RAB3C: variants seen among roughly 807,000 people sequenced by gnomAD.
RAB3C encodes RAB3C, member RAS oncogene family, also known as ras-related protein Rab-3C.
Under a neutral mutation model 26.4 loss-of-function variants are expected in RAB3C, and 17 were observed. The observed-to-expected ratio is 0.64, with a 90% CI of 0.44 to 0.97. RAB3C has a LOEUF of 0.97. Among genes scored for constraint, RAB3C ranks in the 50% least tolerant of loss-of-function variants. The pLI is 0.00. For synonymous variants in RAB3C, 91 were observed against 95.9 expected (o/e 0.95, Z 0.30); for missense variants, 242 against 281.9 (o/e 0.86, Z 1.01).
intron 1 of RAB3C, among the ~76,000 whole-genome samples, chr5:58,601,261 G>A (rs1217230929): frequency 6.6e-5 from 10 of 152,214 alleles, no homozygotes; most frequent in Non-Finnish European, 8.8e-5. Context: ...TTCTGTTAAG[G>A]ATTTTAGCAT....
chr5:58,622,178 G>A (rs1181238431), intron 2 of RAB3C, among the ~76,000 whole-genome samples: 2 of 152,086 alleles, frequency 1.3e-5, no homozygotes, highest in African/African-American at 4.8e-5. Context: ...CTGGGACACA[G>A]GAACGATCCC....
chr5:58,739,297 G>A (rs1022644811), intron 3 of RAB3C, among the ~76,000 whole-genome samples: 1 of 152,198 alleles, frequency 6.6e-6, no homozygotes, highest in African/African-American at 2.4e-5. Flanking sequence ...TGAATGAGTA[G>A]AAAGGCCAAA....
At chr5:58,596,781 T>G (rs1437304645) in intron 1 of RAB3C, among the ~76,000 whole-genome samples, 3 of 103,946 alleles carry the variant, frequency 2.9e-5, no homozygotes, top group African/African-American at 4.0e-5. Flanking sequence ...ATATAATACA[T>G]AATATATTAT....
intron 3 of RAB3C, among the ~76,000 whole-genome samples, chr5:58,777,064 A>C (rs748458232): frequency 1.3e-5 from 2 of 152,148 alleles, no homozygotes; most frequent in Non-Finnish European, 2.9e-5. Flanking sequence ...CCAAAATAGA[A>C]ACCTGAGGAT....
In RAB3C at chr5:58,797,356, ATGTATATATATAAT is replaced by A. The variant is rs1742687392; in HGVS notation, c.372-27681_372-27668del. 1.7e-3 allele frequency among the ~76,000 whole-genome samples: 57 copies of A among 33,860 alleles called. 4 individuals carry two copies. The highest frequency in any genetic ancestry group is 6.2e-3 in the African/African-American group (46 of 7,378). 22.2% of individuals were successfully genotyped at this position (33,860 alleles called of 152,430 possible). On this transcript the variant is annotated intron_variant, in intron 3 of 4. Transcript: ENST00000282878. The stretch of plus-strand genomic sequence containing the variant: ...CTGGAAGACAAAAAAAAAAAAAAAT[ATGTATATATATAAT>A]ATATATATATATATATATATATATA...
intron 2 of RAB3C, among the ~76,000 whole-genome samples, chr5:58,694,375 A>C (rs1195893187): frequency 1.3e-5 from 2 of 152,172 alleles, no homozygotes; most frequent in Non-Finnish European, 2.9e-5. Context: ...GCTATTGTGA[A>C]TAGTGCCGCA....
intron 4 of RAB3C, among the ~76,000 whole-genome samples, chr5:58,840,300 C>T (rs1239962589): frequency 6.6e-6 from 1 of 151,764 alleles, no homozygotes; most frequent in African/African-American, 2.4e-5. Flanking sequence ...TTGGATTCTT[C>T]AGCTTTAAGG....
At chr5:58,687,798 C>T (rs1221922301) in intron 2 of RAB3C, among the ~76,000 whole-genome samples, 3 of 152,052 alleles carry the variant, frequency 2.0e-5, no homozygotes, top group Non-Finnish European at 2.9e-5. Context: ...TATGACTCAG[C>T]ATTTAGATAC....
intron 2 of RAB3C, among the ~76,000 whole-genome samples, chr5:58,658,104 A>G (rs1386343246): frequency 6.6e-6 from 1 of 152,226 alleles, no homozygotes; most frequent in Non-Finnish European, 1.5e-5. Flanking sequence ...AAACTGCTTC[A>G]TACGTGTCTA....
intron 2 of RAB3C, among the ~76,000 whole-genome samples, chr5:58,661,463 A>AT (rs904989435): frequency 1.3e-5 from 2 of 149,738 alleles, no homozygotes; most frequent in African/African-American, 5.1e-5. Flanking sequence ...CTTTGTTTAC[A>AT]TTTTTTTCAT....
intron 4 of RAB3C, among the ~76,000 whole-genome samples, chr5:58,826,761 G>C (rs530683241): frequency 1.2e-3 from 190 of 152,252 alleles, no homozygotes; most frequent in African/African-American, 4.4e-3. Context: ...AAGCAGTAAT[G>C]TGTCTCAATC....
intron 2 of RAB3C, among the ~76,000 whole-genome samples, chr5:58,635,144 C>T (rs535660791): frequency 4.6e-5 from 7 of 152,268 alleles, no homozygotes; most frequent in Non-Finnish European, 7.4e-5. Flanking sequence ...AGAGCTATCA[C>T]GTGTCCAGAG....
chr5:58,622,599 A>G (rs931539727), intron 2 of RAB3C, among the ~76,000 whole-genome samples: 3 of 152,194 alleles, frequency 2.0e-5, no homozygotes, highest in African/African-American at 7.2e-5. Context: ...ACATTGAGTC[A>G]GGAAAAGATC....
chr5:58,683,917 A>G (rs1435818114), intron 2 of RAB3C, among the ~76,000 whole-genome samples: 1 of 152,230 alleles, frequency 6.6e-6, no homozygotes, highest in Non-Finnish European at 1.5e-5. Context: ...TGATGCTGAC[A>G]TATTTTTATA....
At chr5:58,637,489 T>A (rs978989976) in intron 2 of RAB3C, among the ~76,000 whole-genome samples, 1 of 152,140 alleles carries the variant, frequency 6.6e-6, no homozygotes, top group African/African-American at 2.4e-5. Context: ...ATAAAAAGAC[T>A]TAACTGAAGA....
At chr5:58,775,691 C>A (rs1742116434) in intron 3 of RAB3C, among the ~76,000 whole-genome samples, 1 of 152,044 alleles carries the variant, frequency 6.6e-6, no homozygotes, top group Non-Finnish European at 1.5e-5. Context: ...AAATTGATAA[C>A]TAAATTTTTT....
intron 4 of RAB3C, among the ~76,000 whole-genome samples, chr5:58,833,420 T>G (rs1040997128): frequency 6.6e-6 from 1 of 151,648 alleles, no homozygotes; most frequent in African/African-American, 2.4e-5. Flanking sequence ...TTTTAGCTCC[T>G]TAGGTGATTC....
intron 3 of RAB3C, among the ~76,000 whole-genome samples, chr5:58,740,994 T>A (rs1327870184): frequency 6.6e-6 from 1 of 152,082 alleles, no homozygotes; most frequent in African/African-American, 2.4e-5. Context: ...GTCTACAAAT[T>A]TGGGGTTTTC....
intron 4 of RAB3C, among the ~76,000 whole-genome samples, chr5:58,826,369 G>C (rs1743478038): frequency 6.6e-6 from 1 of 152,154 alleles, no homozygotes; most frequent in Non-Finnish European, 1.5e-5. Flanking sequence ...ATGAGCATAA[G>C]GTGAGAGGAC....
Sources: allele counts gnomAD v4.1 joint callset (sites outside exome capture counted in the v4.1 genomes callset), GRCh38; gene constraint gnomAD v4.1.1; transcripts MANE v1.5; gene names NCBI Gene and HGNC (gene_info 2026-07-23, HGNC 2026-07-21).